The following COBL variants were observed in gnomAD, a reference collection of about 807,000 sequenced individuals.
COBL encodes the protein protein cordon-bleu.
In COBL, 51 loss-of-function variants were observed where a neutral mutation model predicts 98.8. The ratio of observed to expected loss-of-function variants is 0.52; its 90% CI spans 0.41 to 0.65. COBL has a LOEUF of 0.65. COBL is among the 30% of genes least tolerant of loss of function. COBL has a pLI of 0.00. For missense variants in COBL, 1,617 were observed against 1,617.5 expected, an observed-to-expected ratio of 1.00 and a Z score of 0.01; for synonymous variants, 634 against 651.7, an observed-to-expected ratio of 0.97 and a Z score of 0.41.
intron 7 of COBL, among the ~76,000 whole-genome samples, chr7:51,079,251 G>A (rs889200396): frequency 1.3e-5 from 2 of 152,120 alleles, no homozygotes; most frequent in South Asian, 4.2e-4. Flanking sequence ...TCTTTCTCAA[G>A]TATAACTGCA....
chr7:51,076,583 T>C (rs1278561154), intron 7 of COBL, among the ~76,000 whole-genome samples: 1 of 152,262 alleles, frequency 6.6e-6, no homozygotes. Flanking sequence ...TACTCTCTTC[T>C]AATTCAAAAT....
At chr7:51,131,334 AAATG>A (rs1798715130) in intron 6 of COBL, among the ~76,000 whole-genome samples, 1 of 152,260 alleles carries the variant, frequency 6.6e-6, no homozygotes, top group Non-Finnish European at 1.5e-5. Context: ...TTGACTGAAT[AAATG>A]AATAACTATG....
rs189437146 is a variant in COBL at position 51,175,709 on chromosome 7, T to C, written c.783+8393A>G. ...TATTCCTCTCCTAAGTACTGGTGAT[T>C]GGTAGCTGAAGAAGGTTAACATCCA... is the stretch of plus-strand genomic sequence containing the variant. On this transcript the variant is annotated intron_variant, in intron 5 of 12. Coordinates refer to ENST00000265136, the MANE Select transcript of COBL (RefSeq NM_015198.5). Among the ~76,000 whole-genome samples the C allele has an allele frequency of 3.5e-3, 527 of 152,366 alleles. 2 individuals carry two copies. The highest frequency in any genetic ancestry group is 6.2e-3 in the Non-Finnish European group (420 of 68,040).
intron 6 of COBL, among the ~76,000 whole-genome samples, chr7:51,100,701 G>T (rs553493658): frequency 2.0e-5 from 3 of 152,274 alleles, no homozygotes; most frequent in Admixed American, 2.0e-4. Flanking sequence ...AGGAGTTTGA[G>T]ACCAGCCTGA....
At chr7:51,312,942 T>C (rs1803197509) in intron 1 of COBL, among the ~76,000 whole-genome samples, 2 of 152,096 alleles carry the variant, frequency 1.3e-5, no homozygotes, top group African/African-American at 2.4e-5. Context: ...AACACAGAAA[T>C]GTCCAACTCT....
chr7:51,088,257 G>A (rs1300663195), intron 6 of COBL, among the ~76,000 whole-genome samples: 1 of 151,468 alleles, frequency 6.6e-6, no homozygotes, highest in African/African-American at 2.4e-5. Flanking sequence ...TTTCTCTCTG[G>A]GATTTCAATT....
At chr7:51,234,378 G>A (rs1023541785) in intron 1 of COBL, among the ~76,000 whole-genome samples, 3 of 152,180 alleles carry the variant, frequency 2.0e-5, no homozygotes, top group Non-Finnish European at 4.4e-5. Context: ...CATCGGGCTC[G>A]CCCACTTCCC....
At chr7:51,228,413 G>C (rs1441835944) in intron 1 of COBL, among the ~76,000 whole-genome samples, 1 of 143,082 alleles carries the variant, frequency 7.0e-6, no homozygotes, top group African/African-American at 2.5e-5. Flanking sequence ...AAAAAAAAAA[G>C]AAGCAGGCCT....
chr7:51,213,821 A>C (rs918132254), intron 2 of COBL, among the ~76,000 whole-genome samples: 3 of 152,156 alleles, frequency 2.0e-5, no homozygotes, highest in Admixed American at 1.3e-4. Context: ...GAGTTGGCCA[A>C]GCCCTCACAA....
At chr7:51,286,013 A>G (rs1340153524) in intron 1 of COBL, among the ~76,000 whole-genome samples, 1 of 152,234 alleles carries the variant, frequency 6.6e-6, no homozygotes, top group African/African-American at 2.4e-5. Flanking sequence ...AACAAATGGT[A>G]TTATAACAAT....
Position 51,307,147 on chromosome 7 carries a change from C to T in COBL, c.41+9446G>A, listed in dbSNP as rs1296119808. ...ATCACTTGAAGTCAGGAGTTCAAGACCAGCCTGACCAATATGGTGAAACCC... is the reference window on the plus strand; with the variant it reads ...ATCACTTGAAGTCAGGAGTTCAAGATCAGCCTGACCAATATGGTGAAACCC... On this transcript the variant is annotated intron_variant, in intron 1 of 12. Transcript: ENST00000265136. Among the ~76,000 whole-genome samples, 2 of 152,144 alleles carry T rather than the reference C, an allele frequency of 1.3e-5. 1 individual carries two copies. The highest frequency in any genetic ancestry group is 3.9e-4 in the East Asian group (2 of 5,174).
intron 6 of COBL, among the ~76,000 whole-genome samples, chr7:51,111,990 A>G (rs1796867784): frequency 6.6e-6 from 1 of 152,238 alleles, no homozygotes. Context: ...TAATATCCTC[A>G]TCAATATCAT....
intron 1 of COBL, among the ~76,000 whole-genome samples, chr7:51,241,384 A>C (rs1300439199): frequency 6.6e-6 from 1 of 152,206 alleles, no homozygotes; most frequent in Non-Finnish European, 1.5e-5. Flanking sequence ...ACATAAATGA[A>C]CCAAATGCCA....
chr7:51,155,814 C>T (rs1207130378), intron 5 of COBL, among the ~76,000 whole-genome samples: 1 of 152,010 alleles, frequency 6.6e-6, no homozygotes, highest in Non-Finnish European at 1.5e-5. Context: ...GTGTGAATTG[C>T]TTAGAACTGA....
Position 51,088,964 on chromosome 7 carries a change from T to TCTTA in COBL, c.958-3664_958-3661dup, listed in dbSNP as rs573837606. Reference sequence around the variant, plus strand: ...TGCCTGATGTCCTGAAGTCAGAGCCTCTTAGTTCTGCCACTGCAGGGGGTG... The same window carrying TCTTA: ...TGCCTGATGTCCTGAAGTCAGAGCCTCTTACTTAGTTCTGCCACTGCAGGGGGTG... On this transcript the variant is annotated intron_variant, in intron 6 of 12. Transcript: ENST00000265136. 3.9e-5 allele frequency among the ~76,000 whole-genome samples: 6 copies of TCTTA among 152,296 alleles called. No homozygotes were observed. In the South Asian group the frequency reaches 1.2e-3, roughly 32 times the overall value.
chr7:51,288,480 T>C (rs1233026718), intron 1 of COBL, among the ~76,000 whole-genome samples: 1 of 147,010 alleles, frequency 6.8e-6, no homozygotes. Flanking sequence ...GGGCTGGGCG[T>C]GATGACTCAC....
intron 1 of COBL, among the ~76,000 whole-genome samples, chr7:51,222,247 G>A (rs1584227245): frequency 6.6e-6 from 1 of 151,454 alleles, no homozygotes; most frequent in African/African-American, 2.4e-5. Flanking sequence ...GCTATAAGTA[G>A]GTATAAATTC....
intron 5 of COBL, among the ~76,000 whole-genome samples, chr7:51,174,133 C>T (rs1412172589): frequency 6.6e-6 from 1 of 152,146 alleles, no homozygotes; most frequent in African/African-American, 2.4e-5. Context: ...TGATACCACA[C>T]CATACAATGT....
intron 4 of COBL, among the ~76,000 whole-genome samples, chr7:51,187,243 C>A (rs1789613396): frequency 6.6e-6 from 1 of 150,768 alleles, no homozygotes; most frequent in African/African-American, 2.4e-5. Context: ...AGCGGGGGAC[C>A]AGGTCAACAT....
Sources: allele counts gnomAD v4.1 joint callset (sites outside exome capture counted in the v4.1 genomes callset), GRCh38; gene constraint gnomAD v4.1.1; transcripts MANE v1.5; gene names NCBI Gene and HGNC (gene_info 2026-07-23, HGNC 2026-07-21).